CADPS2: variants seen among roughly 807,000 people sequenced by gnomAD.
The protein encoded by CADPS2 is calcium-dependent secretion activator 2.
A neutral mutation model predicts 172.5 loss-of-function variants in CADPS2; 93 were observed. The ratio of observed to expected loss-of-function variants is 0.54; its 90% CI spans 0.46 to 0.64. The LOEUF is 0.64. CADPS2 is among the 30% of genes least tolerant of loss of function. CADPS2 has a pLI of 0.00. For synonymous variants in CADPS2, 546 were observed against 555.2 expected, an observed-to-expected ratio of 0.98 and a Z score of 0.23; for missense variants, 1,420 against 1,565.9, an observed-to-expected ratio of 0.91 and a Z score of 1.57.
At chr7:122,883,305 T>A (rs1302006867) in intron 1 of CADPS2, among the ~76,000 whole-genome samples, 1 of 152,166 alleles carries the variant, frequency 6.6e-6, no homozygotes, top group Admixed American at 6.5e-5. Flanking sequence ...AAAGATCTTA[T>A]CTTTGTGATT....
chr7:122,730,114 T>A (rs2091505326), intron 2 of CADPS2, among the ~76,000 whole-genome samples: 1 of 151,726 alleles, frequency 6.6e-6, no homozygotes, highest in African/African-American at 2.4e-5. Flanking sequence ...GGGTTAAGCA[T>A]CTTCTTAGTG....
intron 1 of CADPS2, among the ~76,000 whole-genome samples, chr7:122,748,927 G>C (rs763855814): frequency 2.6e-5 from 4 of 152,038 alleles, no homozygotes; most frequent in African/African-American, 4.8e-5. Flanking sequence ...AAAAGTAAGA[G>C]AATTCCAGAG....
intron 1 of CADPS2, among the ~76,000 whole-genome samples, chr7:122,806,210 T>C (rs1267137242): frequency 3.9e-5 from 6 of 152,242 alleles, no homozygotes; most frequent in African/African-American, 4.8e-5. Flanking sequence ...TCTAAATGTT[T>C]CCTTATATCT....
intron 2 of CADPS2, chr7:122,702,207 T>C: frequency 6.2e-7 from 1 of 1,613,808 alleles, no homozygotes; most frequent in Non-Finnish European, 8.5e-7. Context: ...TGCATGTGCA[T>C]TCTCCCCACT....
chr7:122,488,738 A>C (rs1243450848), intron 11 of CADPS2, among the ~76,000 whole-genome samples: 1 of 152,256 alleles, frequency 6.6e-6, no homozygotes, highest in Non-Finnish European at 1.5e-5. Context: ...AGTAGGGGGA[A>C]GAATCTTGAA....
At chr7:122,381,536 T>G (rs2151378086) in intron 24 of CADPS2, among the ~76,000 whole-genome samples, 1 of 152,280 alleles carries the variant, frequency 6.6e-6, no homozygotes, top group South Asian at 2.1e-4. Flanking sequence ...AATACAGAGC[T>G]TCTACATGTT....
At chr7:122,710,643 T>A (rs960887826) in intron 2 of CADPS2, among the ~76,000 whole-genome samples, 2 of 152,072 alleles carry the variant, frequency 1.3e-5, no homozygotes, top group East Asian at 1.9e-4. Flanking sequence ...CTCTTCTCAA[T>A]CCTGAAAAAC....
At chr7:122,778,954 T>C (rs1286862868) in intron 1 of CADPS2, among the ~76,000 whole-genome samples, 3 of 152,140 alleles carry the variant, frequency 2.0e-5, no homozygotes, top group African/African-American at 4.8e-5. Context: ...TAGGAAGTAA[T>C]TGAATCATGG....
chr7:122,338,393 C>T (rs897573511), intron 28 of CADPS2, among the ~76,000 whole-genome samples: 10 of 151,988 alleles, frequency 6.6e-5, no homozygotes, highest in African/African-American at 2.4e-4. Context: ...GACTCTGTCT[C>T]AGAAAAAAAC....
chr7:122,700,562 TACA>T (rs1345753230), intron 2 of CADPS2, among the ~76,000 whole-genome samples: 4 of 152,080 alleles, frequency 2.6e-5, no homozygotes, highest in East Asian at 1.9e-4. Context: ...TTTTCATCAA[TACA>T]ACAATACCTA....
intron 5 of CADPS2, among the ~76,000 whole-genome samples, chr7:122,618,022 C>A (rs906081273): frequency 6.9e-6 from 1 of 144,910 alleles, no homozygotes. Flanking sequence ...CCAGCCTGGG[C>A]GACAGTGCAA....
At chr7:122,754,899 CA>C (rs1366942068) in intron 1 of CADPS2, among the ~76,000 whole-genome samples, 2 of 152,052 alleles carry the variant, frequency 1.3e-5, no homozygotes, top group African/African-American at 4.8e-5. Flanking sequence ...TAAACATTTC[CA>C]AATAGTCTGT....
intron 1 of CADPS2, among the ~76,000 whole-genome samples, chr7:122,789,199 T>C (rs1212932569): frequency 6.6e-6 from 1 of 151,984 alleles, no homozygotes; most frequent in African/African-American, 2.4e-5. Flanking sequence ...TATCAGAAAA[T>C]CATGCAAACT....
At chr7:122,550,761 CAG>C (rs1466409083) in intron 8 of CADPS2, among the ~76,000 whole-genome samples, 1 of 94,212 alleles carries the variant, frequency 1.1e-5, no homozygotes, top group Admixed American at 1.1e-4. Flanking sequence ...CTTCATGCTA[CAG>C]ACACACACAC....
At chr7:122,481,051 T>C (rs1049049909) in intron 11 of CADPS2, among the ~76,000 whole-genome samples, 191 bp from the exon 12 acceptor site, 2 of 152,134 alleles carry the variant, frequency 1.3e-5, no homozygotes, top group African/African-American at 2.4e-5. Flanking sequence ...AGGAAAATAC[T>C]ATGGATGAAA....
chr7:122,621,482 T>G lies in CADPS2; in HGVS notation c.1103A>C (p.Glu368Ala), dbSNP rs2075602888. 2 of 1,603,392 alleles carry G rather than the reference T, an allele frequency of 1.2e-6. No homozygotes were observed. The highest frequency in any genetic ancestry group is 2.2e-5 in the South Asian group (2 of 90,764). The part of the protein sequence containing the change: ...KSDVVLSFTL[E>A]IVIMEVQGLK... ...TGAGCATGAGATAAAGCTACTTACC[T>G]CTAAGGTGAATGACAGTACCACGTC... Residue 368 changes from glutamate (E) to alanine (A), a missense_variant and splice_region_variant, in exon 5 of 30, where the codon GAG becomes GCG. By Grantham distance (107) the Glu-to-Ala change is moderately radical. Coordinates refer to ENST00000449022, the MANE Select transcript of CADPS2 (RefSeq NM_017954.11).
intron 17 of CADPS2, among the ~76,000 whole-genome samples, chr7:122,423,513 T>C (rs751188385): frequency 6.6e-6 from 1 of 152,172 alleles, no homozygotes; most frequent in African/African-American, 2.4e-5. Context: ...TAGGGTCAAG[T>C]GGCCTATAAT....
intron 8 of CADPS2, among the ~76,000 whole-genome samples, chr7:122,527,296 C>T (rs28493239): frequency 5.7e-4 from 86 of 151,862 alleles, no homozygotes; most frequent in African/African-American, 1.9e-3. Flanking sequence ...CTTCAACCAC[C>T]GCTGAAAATG....
At chr7:122,434,269 T>C (rs1054852356) in intron 17 of CADPS2, among the ~76,000 whole-genome samples, 2 of 152,168 alleles carry the variant, frequency 1.3e-5, no homozygotes, top group African/African-American at 4.8e-5. Flanking sequence ...AGGTGTGTTC[T>C]TTCTCCTCTT....
Sources: allele counts gnomAD v4.1 joint callset (sites outside exome capture counted in the v4.1 genomes callset), GRCh38; gene constraint gnomAD v4.1.1; transcripts MANE v1.5; gene names NCBI Gene and HGNC (gene_info 2026-07-23, HGNC 2026-07-21).